The following CTNNA2 variants were observed in gnomAD, a reference collection of about 807,000 sequenced individuals.
CTNNA2 encodes the protein catenin alpha-2.
In CTNNA2, 42 loss-of-function variants were observed where a neutral mutation model predicts 101.0. The observed-to-expected ratio is 0.42, with a 90% CI of 0.32 to 0.54. The LOEUF (loss-of-function observed/expected upper bound fraction) is 0.54. Ranked by LOEUF, CTNNA2 falls within the 20% of genes least tolerant of loss-of-function variation. The pLI is 0.14. For synonymous variants in CTNNA2, 450 were observed against 456.4 expected (o/e 0.99, Z 0.18); for missense variants, 871 against 1,223.1 (o/e 0.71, Z 4.29).
At chr2:80,586,922 CA>C (rs1696025021) in intron 14 of CTNNA2, among the ~76,000 whole-genome samples, 1 of 152,112 alleles carries the variant, frequency 6.6e-6, no homozygotes, top group African/African-American at 2.4e-5. Context: ...TCAAATCAGA[CA>C]CCATAGGCAA....
chr2:79,835,657 CCTCT>C (rs1279746019), intron 3 of CTNNA2, among the ~76,000 whole-genome samples: 50 of 130,912 alleles, frequency 3.8e-4, no homozygotes, highest in African/African-American at 1.6e-3. Flanking sequence ...TGCAGAATGG[CCTCT>C]CTTTGTTTTT....
intron 7 of CTNNA2, among the ~76,000 whole-genome samples, chr2:80,295,150 A>G (rs1675629628): frequency 6.6e-6 from 1 of 151,716 alleles, no homozygotes; most frequent in Admixed American, 6.6e-5. Flanking sequence ...CCATTTTACT[A>G]GAAAGGTCTC....
intron 7 of CTNNA2, among the ~76,000 whole-genome samples, chr2:79,985,094 G>A (rs1185278898): frequency 7.2e-5 from 11 of 152,122 alleles, no homozygotes; most frequent in Admixed American, 2.0e-4. Flanking sequence ...CCCCCAGCCT[G>A]CATGATTGGG....
At chr2:79,866,357 T>C (rs1682097746) in intron 4 of CTNNA2, 1 of 152,246 alleles carries the variant, frequency 6.6e-6, no homozygotes, top group Non-Finnish European at 1.5e-5. Context: ...GAGTTCTGGC[T>C]TTGGTGTTTA....
chr2:80,227,894 T>A (rs1290658862), intron 7 of CTNNA2, among the ~76,000 whole-genome samples: 2 of 151,908 alleles, frequency 1.3e-5, no homozygotes, highest in Non-Finnish European at 2.9e-5. Flanking sequence ...AATAACCACA[T>A]GCTTAAGTTA....
intron 8 of CTNNA2, among the ~76,000 whole-genome samples, chr2:80,406,335 G>GA (rs71669400): frequency 0.018 from 2,353 of 129,552 alleles, 19 homozygotes; most frequent in Non-Finnish European, 0.027. Context: ...ACTCCTTCTC[G>GA]AAAAAAAAAA....
intron 1 of CTNNA2, among the ~76,000 whole-genome samples, chr2:79,576,481 A>G (rs1278717453): frequency 6.6e-6 from 1 of 152,178 alleles, no homozygotes; most frequent in Admixed American, 6.6e-5. Flanking sequence ...ATTATTCAAA[A>G]AAGTTATAGT....
intron 18 of CTNNA2, among the ~76,000 whole-genome samples, chr2:80,627,137 C>T (rs62152010): frequency 0.046 from 6,963 of 152,112 alleles, 163 homozygotes; most frequent in Non-Finnish European, 0.057. Flanking sequence ...GGGTTGGTTC[C>T]AAGTCTTTGC....
At chr2:79,728,752 A>G (rs1687018808) in intron 2 of CTNNA2, among the ~76,000 whole-genome samples, 1 of 152,160 alleles carries the variant, frequency 6.6e-6, no homozygotes, top group Non-Finnish European at 1.5e-5. Context: ...TAATTTTTGT[A>G]TAAGGTGTAA....
At chr2:80,626,513 G>A (rs1191739808) in intron 18 of CTNNA2, among the ~76,000 whole-genome samples, 1 of 152,054 alleles carries the variant, frequency 6.6e-6, no homozygotes, top group Non-Finnish European at 1.5e-5. Flanking sequence ...ATGGTTTGCT[G>A]CAAGAGAGAC....
chr2:79,878,611 G>T (rs1683195051), intron 6 of CTNNA2, among the ~76,000 whole-genome samples: 1 of 152,056 alleles, frequency 6.6e-6, no homozygotes, highest in African/African-American at 2.4e-5. Context: ...TTTCATGTTT[G>T]TTGGCCATGT....
chr2:79,582,765 A>G (rs1676226568), intron 1 of CTNNA2, among the ~76,000 whole-genome samples: 1 of 152,120 alleles, frequency 6.6e-6, no homozygotes. Context: ...AGGTATAATT[A>G]ACATTCAGTA....
At chr2:79,561,521 A>G (rs1229843444) in intron 1 of CTNNA2, among the ~76,000 whole-genome samples, 1 of 151,872 alleles carries the variant, frequency 6.6e-6, no homozygotes, top group Non-Finnish European at 1.5e-5. Flanking sequence ...ATTATTTTCT[A>G]ATACTACTGC....
intron 7 of CTNNA2, among the ~76,000 whole-genome samples, chr2:80,315,134 A>G (rs940011390): frequency 6.6e-6 from 1 of 152,158 alleles, no homozygotes; most frequent in African/African-American, 2.4e-5. Context: ...CACCCTATAG[A>G]TTGAAGAAAA....
chr2:80,349,892 A>C (rs989508485), intron 7 of CTNNA2, among the ~76,000 whole-genome samples: 2 of 152,114 alleles, frequency 1.3e-5, no homozygotes, highest in African/African-American at 4.8e-5. Context: ...TTTTTGATTA[A>C]GAAGTTTTAT....
intron 9 of CTNNA2, among the ~76,000 whole-genome samples, chr2:80,505,209 A>C (rs1447495295): frequency 6.6e-6 from 1 of 152,224 alleles, no homozygotes; most frequent in Non-Finnish European, 1.5e-5. Flanking sequence ...ATGAAGTTTG[A>C]ATTGGCATCT....
chr2:80,639,421 A>T (rs575904425), intron 18 of CTNNA2, among the ~76,000 whole-genome samples: 9 of 151,830 alleles, frequency 5.9e-5, no homozygotes, highest in African/African-American at 2.2e-4. Context: ...TGTTGGCCAG[A>T]CTGGTCTCGA....
At chr2:79,554,039 T>C (rs1202212667) in intron 1 of CTNNA2, among the ~76,000 whole-genome samples, 1 of 152,186 alleles carries the variant, frequency 6.6e-6, no homozygotes, top group Non-Finnish European at 1.5e-5. Flanking sequence ...ACACTACAAA[T>C]AGATTTGGGC....
At chr2:79,367,350 T>C (rs1677772914) in intron 3 of CTNNA2, among the ~76,000 whole-genome samples, 1 of 152,116 alleles carries the variant, frequency 6.6e-6, no homozygotes, top group Non-Finnish European at 1.5e-5. Context: ...CAGACTAAGA[T>C]AGGCCTGAAG....
Sources: allele counts gnomAD v4.1 joint callset (sites outside exome capture counted in the v4.1 genomes callset), GRCh38; gene constraint gnomAD v4.1.1; transcripts MANE v1.5; gene names NCBI Gene and HGNC (gene_info 2026-07-23, HGNC 2026-07-21).